Variants in CASKIN2 observed in about 807,000 individuals in gnomAD.
CASKIN2 encodes caskin-2.
CASKIN2 carries 41 observed loss-of-function variants against 107.1 expected under a neutral mutation model. That is an observed-to-expected ratio of 0.38 (90% CI 0.30 to 0.50). The LOEUF (loss-of-function observed/expected upper bound fraction) is 0.50, where lower values mean the gene tolerates loss of function less well. Ranked by LOEUF, CASKIN2 falls within the 20% of genes least tolerant of loss-of-function variation. The pLI is 0.92. For synonymous variants in CASKIN2, 724 were observed against 705.6 expected, an observed-to-expected ratio of 1.03 and a Z score of -0.41; for missense variants, 1,546 against 1,657.4, an observed-to-expected ratio of 0.93 and a Z score of 1.17.
chr17:75,507,505 G>A (rs1023573645), intron 4 of CASKIN2, 79 bp downstream of exon 4: 2 of 1,057,400 alleles, frequency 1.9e-6, no homozygotes, highest in African/African-American at 1.6e-5. Context: ...CGTTGTCATA[G>A]GAGCAAGCTC....
At chr17:75,501,333 A>AC (rs2053179215) in intron 19 of CASKIN2, 135 bp downstream of exon 19, 5 of 1,207,688 alleles carry the variant, frequency 4.1e-6, no homozygotes, top group Middle Eastern at 2.2e-4. Flanking sequence ...GATCTAGGTG[A>AC]TTTCAACACC....
rs1188805172 is a variant in CASKIN2 at position 75,506,705 on chromosome 17, C to A, written c.495G>T (p.Gln165His). The change falls in exon 7 of 20, where the codon CAG (glutamine) becomes CAT (histidine). Residue 165 changes from glutamine (Q) to histidine (H), a missense_variant. Gln to His is a conservative substitution (Grantham distance 24, BLOSUM62 0). This residue lies in a region of CASKIN2 where 3 missense variants were observed against 20.8 expected (regional missense o/e 0.14). Transcript: ENST00000321617. This position sits in a 1 kb window ranked among gnomAD's most constrained non-coding sequence, Gnocchi z 4.8. ...ACEFGRLKVA[Q>H]LLLNSHLCVA... Reference sequence around the variant, plus strand: ...CACATAAGTGGCTGTTCAGAAGCAGCTGGGCCACCTGCAGCACCCAGTGCC... The same window carrying A: ...CACATAAGTGGCTGTTCAGAAGCAGATGGGCCACCTGCAGCACCCAGTGCC... 1 of 1,613,434 alleles carries A rather than the reference C, an allele frequency of 6.2e-7. No individual in the cohort carries two copies. The highest frequency in any genetic ancestry group is 8.5e-7 in the Non-Finnish European group (1 of 1,180,002).
rs1350298178 is a variant in CASKIN2 at position 75,503,482 on chromosome 17, G to A, written c.1726C>T (p.His576Tyr). The change falls in exon 17 of 20, where the codon CAC (histidine) becomes TAC (tyrosine). Residue 576 changes from histidine to tyrosine, a missense_variant. Physicochemically the swap from His to Tyr is moderately conservative, Grantham distance 83 (BLOSUM62 2). This residue lies in a region of CASKIN2 where 1,311 missense variants were observed against 1,311.0 expected (regional missense o/e 1.00). Transcript: ENST00000321617. Reference protein sequence around the residue: ...WLCALGLPQYHKQLVSSGYDS... With the variant: ...WLCALGLPQYYKQLVSSGYDS... ...TAGCCGCTGCTCACCAGCTGCTTGT[G>A]GTACTGTGGCAGCCCCAGTGCACAC... 1 of 1,612,476 alleles carries A rather than the reference G, an allele frequency of 6.2e-7. No homozygotes were observed. The highest frequency in any genetic ancestry group is 1.1e-5 in the South Asian group (1 of 91,082).
intron 4 of CASKIN2, 56 bp from the exon 5 acceptor site, chr17:75,507,185 A>G: frequency 6.4e-7 from 1 of 1,557,804 alleles, no homozygotes; most frequent in Admixed American, 1.8e-5. Flanking sequence ...GGGGGTGGAG[A>G]GGAACTGAGC....
intron 2 of CASKIN2, chr17:75,509,936 C>A: frequency 1.0e-6 from 1 of 985,674 alleles, no homozygotes; most frequent in Non-Finnish European, 1.2e-6. Context: ...TGGGTGGCTC[C>A]GTTCTTTTCA....
intron 2 of CASKIN2, chr17:75,509,451 G>C (rs1048106277): frequency 6.5e-6 from 3 of 462,708 alleles, no homozygotes; most frequent in African/African-American, 6.4e-5. Flanking sequence ...TGGCAGTAGG[G>C]AACATGGCAC....
chr17:75,506,211 G>A lies in CASKIN2; in HGVS notation c.726+94C>T, dbSNP rs1265292069. ...TTCCTGACGCCCATGCAAAAACCAC[G>A]CTGGAGTCCTCCGTCCCGTACCTCC... On this transcript the variant is annotated intron_variant, in intron 8 of 19. Transcript: ENST00000321617. This position sits in a 1 kb window ranked among gnomAD's most constrained non-coding sequence, Gnocchi z 4.8. The A allele has an allele frequency of 1.3e-5, 14 of 1,117,636 alleles. No individual in the cohort carries two copies. Among genetic ancestry groups the A allele is most frequent in the Admixed American group, 2.1e-5 (1 of 48,618 alleles). The allele number at this position is 1,117,636 out of a possible 1,614,324, so 69.2% of individuals were successfully genotyped here. A position where few individuals can be genotyped will look rare whatever the true frequency, so the allele number is the denominator to read the frequency against.
rs1219094628 is a variant in CASKIN2 at position 75,501,610 on chromosome 17, G to A, written c.3376C>T (p.Arg1126Cys). ...TCAGGCCGTGGAGGAGGCACTGGGC[G>A]GGGGCCGAGCCGGGGCGCTAGCTTA... ...GPKLAPRLGP[R>C]PVPPPRPEST... Residue 1126 changes from arginine to cysteine, a missense_variant, in exon 19 of 20, where the codon CGC becomes TGC. Coordinates refer to ENST00000321617, the MANE Select transcript of CASKIN2 (RefSeq NM_020753.5). 15 of 1,604,720 alleles carry A rather than the reference G, an allele frequency of 9.3e-6. No homozygotes were observed. Among genetic ancestry groups the A allele is most frequent in the Non-Finnish European group, 1.3e-5 (15 of 1,174,770 alleles).
chr17:75,505,605 G>C lies in CASKIN2; in HGVS notation c.882C>G (p.Asn294Lys), dbSNP rs1479768100. 1.2e-6 allele frequency: 2 copies of C among 1,613,558 alleles called. No homozygotes were observed. Among genetic ancestry groups the C allele is most frequent in the South Asian group, 1.1e-5 (1 of 91,080 alleles). The change falls in exon 10 of 20, where the codon AAC (asparagine) becomes AAG (lysine). Residue 294 changes from asparagine (N) to lysine (K), a missense_variant. Coordinates refer to ENST00000321617, the MANE Select transcript of CASKIN2 (RefSeq NM_020753.5). The surrounding 1 kb of genome is among the most constrained non-coding windows in gnomAD (Gnocchi z 5.1). ...LKVRALKDFW[N>K]LHDPTALNVR... Reference sequence around the variant, plus strand: ...CATTGAGAGCAGTGGGATCGTGGAGGTTCCAGAAATCCTTGAGCGCTCGGA... The same window carrying C: ...CATTGAGAGCAGTGGGATCGTGGAGCTTCCAGAAATCCTTGAGCGCTCGGA...
At position 75,503,264 on chromosome 17, in the gene CASKIN2, G is replaced by T. The variant is rs777335824; in HGVS notation, c.1820-10C>A. 3.0e-5 allele frequency: 47 copies of T among 1,579,114 alleles called. No homozygotes were observed. In the East Asian group the frequency reaches 1.0e-3, roughly 35 times the overall value. ...AGCTTCTTCTGATGCCCTGAGATGG[G>T]GGACGGAAGTGGCAAGGTTAGCTGG... On this transcript the variant is annotated splice_polypyrimidine_tract_variant and intron_variant, in intron 17 of 19. Coordinates refer to ENST00000321617, the MANE Select transcript of CASKIN2 (RefSeq NM_020753.5).
chr17:75,503,381 G>C lies in CASKIN2; in HGVS notation c.1819+8C>G, dbSNP rs778459174. The stretch of plus-strand genomic sequence containing the variant: ...GGGGGCCCAGCCAGGCCTCAGGACA[G>C]TCCTTACCGAGCTTGTTGACCCCAA... On this transcript the variant is annotated splice_region_variant and intron_variant, in intron 17 of 19. Coordinates refer to ENST00000321617, the MANE Select transcript of CASKIN2 (RefSeq NM_020753.5). 1.2e-5 allele frequency: 19 copies of C among 1,611,388 alleles called. 1 individual carries two copies. The South Asian group carries it at 1.9e-4, about 16-fold the overall frequency.
At position 75,503,455 on chromosome 17, in the gene CASKIN2, C is replaced by CGTA. The variant is rs1472443143; in HGVS notation, c.1750_1752dup (p.Tyr584dup). ...AGGTCGGCCACCAGCCCCATGGAGT[C>CGTA]GTAGCCGCTGCTCACCAGCTGCTTG... On this transcript the variant is annotated inframe_insertion, in exon 17 of 20. Transcript: ENST00000321617. 1.2e-6 allele frequency: 2 copies of CGTA among 1,612,772 alleles called. No homozygotes were observed. The highest frequency in any genetic ancestry group is 1.7e-6 in the Non-Finnish European group (2 of 1,179,974).
rs1205348041 is a variant in CASKIN2, at chr17:75,506,421, G to A, written c.618-8C>T. The A allele has an allele frequency of 1.9e-6, 3 of 1,607,362 alleles. No individual in the cohort carries two copies. The highest frequency in any genetic ancestry group is 1.7e-5 in the Admixed American group (1 of 59,986). Reference sequence around the variant, plus strand: ...CCAGCTCTCAGGAGCTGCCTGCAGTGGACGGGGGGAGTCACGGGGGAGGTG... The same window carrying A: ...CCAGCTCTCAGGAGCTGCCTGCAGTAGACGGGGGGAGTCACGGGGGAGGTG... On this transcript the variant is annotated splice_region_variant and splice_polypyrimidine_tract_variant and intron_variant, in intron 7 of 19. Coordinates refer to ENST00000321617, the MANE Select transcript of CASKIN2 (RefSeq NM_020753.5). This position sits in a 1 kb window ranked among gnomAD's most constrained non-coding sequence, Gnocchi z 4.8.
chr17:75,510,013 G>A, intron 2 of CASKIN2: 1 of 708,214 alleles, frequency 1.4e-6, no homozygotes, highest in Non-Finnish European at 1.7e-6. Flanking sequence ...CTGGCAGGAG[G>A]GCAGAGGGTC....
In CASKIN2 at chr17:75,505,561, A is replaced by G; in HGVS notation, c.926T>C (p.Ile309Thr). The part of the protein sequence containing the change: ...TALNVRAGDV[I>T]TVLEQHPDGR... Reference sequence around the variant, plus strand: ...TGCCTGCTTGGGGTCCCTCACCGTGATGACATCCCCTGCCCGGACATTGAG... The same window carrying G: ...TGCCTGCTTGGGGTCCCTCACCGTGGTGACATCCCCTGCCCGGACATTGAG... Residue 309 changes from isoleucine to threonine, a missense_variant, in exon 10 of 20, where the codon ATC becomes ACC. Ile to Thr is a moderately conservative substitution (Grantham distance 89). Coordinates refer to ENST00000321617, the MANE Select transcript of CASKIN2 (RefSeq NM_020753.5). The surrounding 1 kb of genome is among the most constrained non-coding windows in gnomAD (Gnocchi z 5.1). 2.5e-6 allele frequency: 4 copies of G among 1,613,524 alleles called. No individual in the cohort carries two copies. Among genetic ancestry groups the G allele is most frequent in the Non-Finnish European group, 2.5e-6 (3 of 1,179,948 alleles).
At position 75,502,073 on chromosome 17, in the gene CASKIN2, G is replaced by GCTCT; in HGVS notation, c.2997_3000dup (p.Pro1001ArgfsTer36). On this transcript the variant is annotated frameshift_variant, in exon 18 of 20. Transcript: ENST00000321617. LOFTEE classifies it high-confidence loss of function. This position sits in a 1 kb window ranked among gnomAD's most constrained non-coding sequence, Gnocchi z 4.3. ...AAGGCCAGCAGTGCGGTCTGCAGTG[G>GCTCT]CTCTCTCTCCCGGCACTTGGGCCTC... The GCTCT allele has an allele frequency of 6.2e-7, 1 of 1,611,636 alleles. No individual in the cohort carries two copies. Among genetic ancestry groups the GCTCT allele is most frequent in the Non-Finnish European group, 8.5e-7 (1 of 1,179,898 alleles).
In CASKIN2 at chr17:75,514,119, C is replaced by G. The variant is rs940882303; in HGVS notation, c.-315G>C. ...CTGGGACTGGGCACACCAATCTTCC[C>G]GGCTTGGCTGTGGAACACCAGTGCC... On this transcript the variant is annotated 5_prime_UTR_variant, in exon 2 of 20. Coordinates refer to ENST00000321617, the MANE Select transcript of CASKIN2 (RefSeq NM_020753.5). 8 of 529,380 alleles carry G rather than the reference C, an allele frequency of 1.5e-5. No individual in the cohort carries two copies. The highest frequency in any genetic ancestry group is 6.8e-5 in the Admixed American group (2 of 29,558). The allele number at this position is 529,380 out of a possible 1,614,324, so 32.8% of individuals were successfully genotyped here.
chr17:75,503,972 G>T lies in CASKIN2; in HGVS notation c.1468-10C>A, dbSNP rs773204401. Reference sequence around the variant, plus strand: ...GAATGGCCTGCGCGTCCTGCGGGGTGGGGGAAGGGGGCAGAATTAGCAGGA... The same window carrying T: ...GAATGGCCTGCGCGTCCTGCGGGGTTGGGGAAGGGGGCAGAATTAGCAGGA... On this transcript the variant is annotated splice_polypyrimidine_tract_variant and intron_variant, in intron 14 of 19. Transcript: ENST00000321617. The T allele has an allele frequency of 2.5e-6, 4 of 1,603,360 alleles. No homozygotes were observed. The highest frequency in any genetic ancestry group is 3.4e-6 in the Non-Finnish European group (4 of 1,174,836).
intron 11 of CASKIN2, 42 bp from the exon 12 acceptor site, chr17:75,504,735 G>A (rs1395121906): frequency 1.1e-5 from 17 of 1,576,102 alleles, no homozygotes; most frequent in Middle Eastern, 1.7e-4. Context: ...CCCAAGTGTC[G>A]CTCTGACAGC....
Sources: allele counts gnomAD v4.1 joint callset, GRCh38; gene constraint gnomAD v4.1.1; regional missense constraint gnomAD v4.1.1; non-coding constraint Gnocchi (gnomAD v3.1); transcripts MANE v1.5; gene names NCBI Gene and HGNC (gene_info 2026-07-23, HGNC 2026-07-21).